ZNF423: variants seen among roughly 807,000 people sequenced by gnomAD.
The protein encoded by ZNF423 is Ebf-associated zinc finger protein.
In ZNF423, 12 loss-of-function variants were observed where a neutral mutation model predicts 95.8. The ratio of observed to expected loss-of-function variants is 0.13; its 90% CI spans 0.08 to 0.20. The LOEUF is 0.20. ZNF423 is among the 10% of genes least tolerant of loss of function. The pLI is 1.00. For synonymous variants in ZNF423, 749 were observed against 711.9 expected, an observed-to-expected ratio of 1.05 and a Z score of -0.83; for missense variants, 1,316 against 1,737.1, an observed-to-expected ratio of 0.76 and a Z score of 4.31.
intron 6 of ZNF423, 137 bp from the exon 7 acceptor site, chr16:49,523,876 G>A: frequency 1.5e-6 from 1 of 685,878 alleles, no homozygotes; most frequent in South Asian, 1.7e-5. Context: ...TACTGGGAGT[G>A]TTCTTAGCAC....
At chr16:49,849,904 C>A (rs567342922) in intron 1 of ZNF423, among the ~76,000 whole-genome samples, 1 of 152,332 alleles carries the variant, frequency 6.6e-6, no homozygotes, top group African/African-American at 2.4e-5. Context: ...GAGGCCGTCC[C>A]GCTGTCAGCG....
chr16:49,616,635 TA>T (rs1180417933), intron 5 of ZNF423, among the ~76,000 whole-genome samples: 1 of 152,022 alleles, frequency 6.6e-6, no homozygotes, highest in East Asian at 1.9e-4. Flanking sequence ...AATTAAAAAT[TA>T]AAAAAAGAAA....
At chr16:49,604,691 C>G (rs1026528318) in intron 5 of ZNF423, among the ~76,000 whole-genome samples, 16 of 152,102 alleles carry the variant, frequency 1.1e-4, no homozygotes, top group African/African-American at 3.1e-4. Flanking sequence ...AACTTCCAGT[C>G]TGGCCATCTG....
intron 5 of ZNF423, among the ~76,000 whole-genome samples, chr16:49,587,215 T>G (rs1970868808): frequency 6.6e-6 from 1 of 152,124 alleles, no homozygotes; most frequent in African/African-American, 2.4e-5. Context: ...TCTCTCTCCC[T>G]CTGCAGAGCT....
chr16:49,755,995 T>C (rs1044494001), intron 2 of ZNF423, among the ~76,000 whole-genome samples: 3 of 152,052 alleles, frequency 2.0e-5, no homozygotes, highest in Non-Finnish European at 2.9e-5. Context: ...GAGTGGCTGA[T>C]TGAGGCAGAA....
chr16:49,789,332 T>C (rs1394960257), intron 2 of ZNF423, among the ~76,000 whole-genome samples, 155 bp downstream of exon 2: 1 of 152,174 alleles, frequency 6.6e-6, no homozygotes, highest in Non-Finnish European at 1.5e-5. Flanking sequence ...CATATGGAAC[T>C]GATATAAAAA....
At chr16:49,845,984 C>G (rs1344926313) in intron 1 of ZNF423, among the ~76,000 whole-genome samples, 2 of 152,036 alleles carry the variant, frequency 1.3e-5, no homozygotes, top group Non-Finnish European at 2.9e-5. Flanking sequence ...CACTGTGGCC[C>G]CAGGAGGTGG....
In ZNF423 at chr16:49,816,541, A is replaced by G. The variant is rs2034858587; in HGVS notation, c.41-26995T>C. ...AGTGGTTCATGCCTGTAATCCCAAC[A>G]TTTTGGAAGACTGAGGAAGGAGGAT... On this transcript the variant is annotated intron_variant, in intron 1 of 7. Transcript: ENST00000563137. 2.0e-5 allele frequency among the ~76,000 whole-genome samples: 3 copies of G among 152,138 alleles called. No homozygotes were observed. In the South Asian group the frequency reaches 6.2e-4, roughly 31 times the overall value.
chr16:49,528,204 A>C (rs1412857078), intron 5 of ZNF423, among the ~76,000 whole-genome samples: 1 of 152,110 alleles, frequency 6.6e-6, no homozygotes, highest in African/African-American at 2.4e-5. Context: ...GAGAGGACAA[A>C]GAAGCCTCCT....
At chr16:49,752,574 G>A (rs2033652514) in intron 2 of ZNF423, among the ~76,000 whole-genome samples, 1 of 152,230 alleles carries the variant, frequency 6.6e-6, no homozygotes, top group African/African-American at 2.4e-5. Flanking sequence ...GTGGCCCATA[G>A]AGCAAGCAGG....
intron 3 of ZNF423, among the ~76,000 whole-genome samples, chr16:49,726,407 C>T (rs917089360): frequency 6.6e-6 from 1 of 152,174 alleles, no homozygotes; most frequent in African/African-American, 2.4e-5. Context: ...CTCGCACCTG[C>T]TTCTATGGTA....
chr16:49,759,171 G>A (rs533594955), intron 2 of ZNF423, among the ~76,000 whole-genome samples: 94 of 152,236 alleles, frequency 6.2e-4, no homozygotes, highest in Non-Finnish European at 1.0e-3. Context: ...AGGCCAAGAC[G>A]GGCAGATCAC....
chr16:49,814,502 A>G (rs2034806255), intron 1 of ZNF423, among the ~76,000 whole-genome samples: 1 of 148,926 alleles, frequency 6.7e-6, no homozygotes, highest in African/African-American at 2.5e-5. Flanking sequence ...CAACAATGGG[A>G]CAGGATCGGA....
chr16:49,569,401 T>A (rs1486183253), intron 5 of ZNF423, among the ~76,000 whole-genome samples: 1 of 152,106 alleles, frequency 6.6e-6, no homozygotes, highest in African/African-American at 2.4e-5. Context: ...CCAGTTAGGG[T>A]CAGGGTTGGG....
intron 3 of ZNF423, among the ~76,000 whole-genome samples, chr16:49,716,788 G>T (rs925978907): frequency 6.6e-6 from 1 of 152,178 alleles, no homozygotes; most frequent in African/African-American, 2.4e-5. Context: ...TGGGGTGCTG[G>T]GGAGGCTGTG....
chr16:49,522,770 C>A (rs922929338), intron 7 of ZNF423, among the ~76,000 whole-genome samples: 3 of 152,114 alleles, frequency 2.0e-5, no homozygotes, highest in Non-Finnish European at 2.9e-5. Flanking sequence ...GAACTGTGTG[C>A]GTGCACCTTC....
At chr16:49,628,289 C>T (rs988871360) in intron 4 of ZNF423, among the ~76,000 whole-genome samples, 20 of 151,658 alleles carry the variant, frequency 1.3e-4, no homozygotes, top group African/African-American at 4.8e-4. Context: ...CACATCTACA[C>T]ACACACATAC....
In ZNF423 at chr16:49,635,785, G is replaced by A. The variant is rs1274384681; in HGVS notation, c.3391C>T (p.Pro1131Ser). ...ADRPCAGLRCPECSVKFESAE... is the reference protein window; with the variant it reads ...ADRPCAGLRCSECSVKFESAE... Reference sequence around the variant, plus strand: ...CTCTCAAACTTGACACTGCACTCGGGGCAACGGAGGCCGGCACAGGGCCGG... The same window carrying A: ...CTCTCAAACTTGACACTGCACTCGGAGCAACGGAGGCCGGCACAGGGCCGG... The change falls in exon 4 of 8, where the codon CCC becomes TCC. Residue 1131 changes from proline to serine, a missense_variant. This residue lies in a region of ZNF423 where 620 missense variants were observed against 775.6 expected (regional missense o/e 0.80). Transcript: ENST00000563137. This position sits in a 1 kb window ranked among gnomAD's most constrained non-coding sequence, Gnocchi z 4.8. 6.2e-7 allele frequency: 1 copy of A among 1,612,590 alleles called. No homozygotes were observed. The highest frequency in any genetic ancestry group is 1.1e-5 in the South Asian group (1 of 91,042).
chr16:49,499,594 T>A lies in ZNF423; in HGVS notation c.3850-8290A>T, dbSNP rs146038715. 5.8e-4 allele frequency among the ~76,000 whole-genome samples: 88 copies of A among 152,350 alleles called. No homozygotes were observed. The East Asian group carries it at 0.014, about 25-fold the overall frequency. On this transcript the variant is annotated intron_variant, in intron 7 of 7. Transcript: ENST00000563137. ...ATTGATGCCAACCGGATCCAGGTTTTCCGTGTTCTTGAGATGCTCTATGGA... is the reference window on the plus strand; with the variant it reads ...ATTGATGCCAACCGGATCCAGGTTTACCGTGTTCTTGAGATGCTCTATGGA...
Sources: gnomAD v4.1 joint callset for allele counts (sites outside exome capture counted in the v4.1 genomes callset) on GRCh38, gnomAD v4.1.1 for gene constraint, gnomAD v4.1.1 regional missense constraint, Gnocchi (gnomAD v3.1) non-coding constraint, MANE v1.5 for transcripts, NCBI Gene and HGNC (gene_info 2026-07-23, HGNC 2026-07-21) for gene names.